Variants in TRPM3 observed in about 807,000 individuals in gnomAD.
TRPM3 encodes transient receptor potential cation channel subfamily M member 3.
In TRPM3, 77 loss-of-function variants were observed where a neutral mutation model predicts 181.2. The observed-to-expected ratio is 0.42, with a 90% confidence interval of 0.35 to 0.51. The LOEUF (loss-of-function observed/expected upper bound fraction) is 0.51, where lower values mean the gene tolerates loss of function less well. TRPM3 is among the 20% of genes least tolerant of loss of function. The pLI, the probability that TRPM3 is intolerant of heterozygous loss-of-function variation, is 0.01. For synonymous variants in TRPM3, 745 were observed against 796.4 expected (o/e 0.94, Z 1.09); for missense variants, 1,759 against 2,196.7 (o/e 0.80, Z 3.98).
At chr9:70,953,446 TCATTTTCTGAAAAATGTGA>T (rs1285553182) in intron 1 of TRPM3, among the ~76,000 whole-genome samples, 2 of 152,180 alleles carry the variant, frequency 1.3e-5, no homozygotes, top group African/African-American at 4.8e-5. Context: ...GGACATGACA[TCATTTTCTGAAAAATGTGA>T]CATTGTCTTG....
chr9:70,930,342 A>C (rs1463975013), intron 1 of TRPM3, among the ~76,000 whole-genome samples: 2 of 152,228 alleles, frequency 1.3e-5, no homozygotes, highest in Non-Finnish European at 2.9e-5. Flanking sequence ...TGCAGATTAC[A>C]TAATAATCTA....
chr9:70,688,773 G>A (rs1297100686), intron 8 of TRPM3, among the ~76,000 whole-genome samples: 1 of 152,060 alleles, frequency 6.6e-6, no homozygotes, highest in Non-Finnish European at 1.5e-5. Context: ...CAGTAGACAT[G>A]TGCATTTAAG....
intron 1 of TRPM3, among the ~76,000 whole-genome samples, chr9:71,188,442 C>T (rs1229886525): frequency 6.6e-6 from 1 of 151,876 alleles, no homozygotes; most frequent in African/African-American, 2.4e-5. Context: ...TCACTGTGTA[C>T]AAGCAATTTT....
intron 1 of TRPM3, among the ~76,000 whole-genome samples, chr9:71,050,864 C>A (rs866950041): frequency 2.6e-5 from 4 of 152,050 alleles, no homozygotes; most frequent in African/African-American, 9.7e-5. Flanking sequence ...TCCCCTTAGT[C>A]CAGATGCATT....
chr9:71,192,862 T>G (rs1352056076), intron 1 of TRPM3, among the ~76,000 whole-genome samples: 1 of 151,866 alleles, frequency 6.6e-6, no homozygotes, highest in Non-Finnish European at 1.5e-5. Context: ...CCCCCTATGT[T>G]TTCTTCTAGT....
intron 1 of TRPM3, among the ~76,000 whole-genome samples, chr9:71,423,834 C>T (rs1438593463): frequency 6.6e-6 from 1 of 152,102 alleles, no homozygotes; most frequent in Admixed American, 6.6e-5. Context: ...ACTTTGGACC[C>T]TTATGAGCCT....
intron 1 of TRPM3, among the ~76,000 whole-genome samples, chr9:70,992,400 G>C (rs946253373): frequency 6.6e-6 from 1 of 152,182 alleles, no homozygotes; most frequent in African/African-American, 2.4e-5. Flanking sequence ...CCTCTGGGTA[G>C]ATTAATTCTG....
chr9:70,846,643 C>T, intron 3 of TRPM3, 52 bp from the exon 4 acceptor site: 1 of 1,461,566 alleles, frequency 6.8e-7, no homozygotes, highest in Non-Finnish European at 9.6e-7. Context: ...CTGGCTGAGG[C>T]TGGTTATCTT....
At chr9:71,425,877 A>G (rs1330431290) in intron 1 of TRPM3, among the ~76,000 whole-genome samples, 1 of 152,006 alleles carries the variant, frequency 6.6e-6, no homozygotes, top group East Asian at 1.9e-4. Flanking sequence ...TTAGTTCCTC[A>G]AACATGCCAA....
chr9:71,084,096 C>T (rs142688533), intron 1 of TRPM3, among the ~76,000 whole-genome samples: 38 of 151,994 alleles, frequency 2.5e-4, no homozygotes, highest in African/African-American at 8.4e-4. Flanking sequence ...GCAAGCCAGT[C>T]TTTGGCTCCA....
intron 1 of TRPM3, among the ~76,000 whole-genome samples, chr9:71,078,801 C>T (rs1334148987): frequency 6.6e-6 from 1 of 151,898 alleles, no homozygotes; most frequent in Non-Finnish European, 1.5e-5. Context: ...TTTCCAATTT[C>T]ATTTCAATTT....
rs570616784 is a variant in TRPM3 at position 70,585,718 on chromosome 9, T to A, written c.3223+5313A>T. On this transcript the variant is annotated intron_variant, in intron 22 of 25. Transcript: ENST00000677713. The stretch of plus-strand genomic sequence containing the variant: ...TTGATTGTACCTTCCTAAAATCTCA[T>A]CCTGCCTGTTTCCTCCATTCCAGCT... Among the ~76,000 whole-genome samples, 111 of 152,292 alleles carry A rather than the reference T, an allele frequency of 7.3e-4. 1 individual carries two copies. The highest frequency in any genetic ancestry group is 2.6e-3 in the African/African-American group (107 of 41,574).
chr9:70,791,091 T>G (rs2085276820), intron 6 of TRPM3, among the ~76,000 whole-genome samples: 1 of 152,166 alleles, frequency 6.6e-6, no homozygotes, highest in African/African-American at 2.4e-5. Flanking sequence ...TTAGGATAAA[T>G]TATTCAAGAC....
At chr9:71,376,635 T>C (rs1285322867) in intron 1 of TRPM3, among the ~76,000 whole-genome samples, 1 of 152,062 alleles carries the variant, frequency 6.6e-6, no homozygotes, top group East Asian at 1.9e-4. Flanking sequence ...TAGCTATTTA[T>C]CGTCATTATT....
chr9:71,311,654 T>C (rs1387511240), intron 1 of TRPM3, among the ~76,000 whole-genome samples: 2 of 152,060 alleles, frequency 1.3e-5, no homozygotes, highest in Non-Finnish European at 2.9e-5. Flanking sequence ...GGTGAAACTA[T>C]GTAACTTCTA....
At chr9:70,935,835 C>T (rs898974536) in intron 1 of TRPM3, among the ~76,000 whole-genome samples, 1 of 152,132 alleles carries the variant, frequency 6.6e-6, no homozygotes, top group African/African-American at 2.4e-5. Context: ...AAATATCCTT[C>T]GGTATGTTGT....
chr9:70,982,848 C>G (rs1043407125), intron 1 of TRPM3, among the ~76,000 whole-genome samples: 2 of 152,042 alleles, frequency 1.3e-5, no homozygotes, highest in African/African-American at 2.4e-5. Flanking sequence ...TTACAGGTGC[C>G]CGCCACCACA....
intron 1 of TRPM3, among the ~76,000 whole-genome samples, chr9:71,166,046 C>A (rs568796341): frequency 2.0e-5 from 3 of 152,094 alleles, no homozygotes; most frequent in African/African-American, 7.2e-5. Context: ...AGCATGTCAG[C>A]GGACACAGAA....
chr9:70,570,344 T>C (rs533425729), intron 22 of TRPM3, among the ~76,000 whole-genome samples: 21 of 149,606 alleles, frequency 1.4e-4, no homozygotes, highest in African/African-American at 4.9e-4. Flanking sequence ...ATTCTCGCTT[T>C]GTCTCCCAGT....
Sources: allele counts gnomAD v4.1 joint callset (sites outside exome capture counted in the v4.1 genomes callset), GRCh38; gene constraint gnomAD v4.1.1; transcripts MANE v1.5; gene names NCBI Gene and HGNC (gene_info 2026-07-23, HGNC 2026-07-21).